VPS50: variants seen among roughly 807,000 people sequenced by gnomAD.
VPS50 encodes the protein VPS50 subunit of EARP/GARPII complex.
A neutral mutation model predicts 139.7 loss-of-function variants in VPS50; 70 were observed. The observed-to-expected ratio is 0.50, with a 90% CI of 0.41 to 0.61. The LOEUF (loss-of-function observed/expected upper bound fraction) is 0.61, where lower values mean the gene tolerates loss of function less well. VPS50 is among the 20% of genes least tolerant of loss of function. VPS50 has a pLI of 0.00. For synonymous variants in VPS50, 365 were observed against 376.7 expected (o/e 0.97, Z 0.36); for missense variants, 921 against 1,133.7 (o/e 0.81, Z 2.69).
At chr7:93,356,265 C>T (rs1020925498) in intron 27 of VPS50, 185 bp downstream of exon 27, 11 of 328,824 alleles carry the variant, frequency 3.3e-5, no homozygotes, top group African/African-American at 6.4e-5. Context: ...TAAGCAGTGC[C>T]CTTTGACTCA....
At chr7:93,353,553 A>G (rs2117091742) in intron 25 of VPS50, 87 bp from the exon 26 acceptor site, 1 of 1,417,216 alleles carries the variant, frequency 7.1e-7, no homozygotes, top group East Asian at 2.3e-5. Context: ...GAGTCTTTCT[A>G]AATCTTTTTT....
chr7:93,264,854 G>A (rs1795793383), intron 9 of VPS50, among the ~76,000 whole-genome samples: 1 of 152,144 alleles, frequency 6.6e-6, no homozygotes, highest in Non-Finnish European at 1.5e-5. Flanking sequence ...AGGTTGCCAG[G>A]CCTTCTAGCT....
intron 24 of VPS50, among the ~76,000 whole-genome samples, chr7:93,349,055 C>T (rs1222568870): frequency 2.0e-5 from 3 of 152,068 alleles, no homozygotes; most frequent in East Asian, 1.9e-4. Flanking sequence ...ATGATAAGTA[C>T]TGTGGTAAGG....
chr7:93,333,191 TTCA>T (rs778743734), intron 21 of VPS50, among the ~76,000 whole-genome samples: 32 of 152,150 alleles, frequency 2.1e-4, no homozygotes, highest in Non-Finnish European at 4.3e-4. Flanking sequence ...ATAAAATTAG[TTCA>T]TGTTTTATTG....
intron 16 of VPS50, among the ~76,000 whole-genome samples, chr7:93,300,210 T>G (rs1208833259): frequency 6.6e-6 from 1 of 152,166 alleles, no homozygotes; most frequent in East Asian, 1.9e-4. Flanking sequence ...ATATTTGGGC[T>G]TCAAAACATT....
At chr7:93,302,824 A>G (rs1189451533) in intron 16 of VPS50, among the ~76,000 whole-genome samples, 1 of 152,060 alleles carries the variant, frequency 6.6e-6, no homozygotes, top group Non-Finnish European at 1.5e-5. Flanking sequence ...GACTGCCTAT[A>G]TCATGTGCTG....
chr7:93,324,769 A>C (rs1797720051), intron 21 of VPS50, among the ~76,000 whole-genome samples: 1 of 152,130 alleles, frequency 6.6e-6, no homozygotes, highest in African/African-American at 2.4e-5. Context: ...GAGAACTACA[A>C]ACCACTGCTC....
Position 93,245,996 on chromosome 7 carries a change from G to T in VPS50, c.102+6062G>T. On this transcript the variant is annotated intron_variant, in intron 2 of 27. Transcript: ENST00000305866. ...AATCTATTTCTGTTCAGTGATTAAT[G>T]ACTTTTGTAATACTGACTGAATATT... is the stretch of plus-strand genomic sequence containing the variant. 3 of 682,018 alleles carry T rather than the reference G, an allele frequency of 4.4e-6. No homozygotes were observed. The South Asian group carries it at 5.0e-5, about 11-fold the overall frequency. 42.2% of individuals were successfully genotyped at this position (682,018 alleles called of 1,614,324 possible).
chr7:93,306,805 AC>A (rs1476472317), intron 18 of VPS50, among the ~76,000 whole-genome samples: 1 of 151,802 alleles, frequency 6.6e-6, no homozygotes, highest in African/African-American at 2.4e-5. Context: ...TAAAGTGAAA[AC>A]CATTCAGATG....
At chr7:93,252,126 A>G (rs1392295799) in intron 2 of VPS50, among the ~76,000 whole-genome samples, 1 of 152,194 alleles carries the variant, frequency 6.6e-6, no homozygotes, top group Non-Finnish European at 1.5e-5. Flanking sequence ...AGGAAGCCTC[A>G]TAGTATTACA....
intron 13 of VPS50, among the ~76,000 whole-genome samples, 186 bp downstream of exon 13, chr7:93,292,021 CT>C (rs1796661483): frequency 1.3e-5 from 2 of 152,022 alleles, no homozygotes; most frequent in South Asian, 4.1e-4. Context: ...TAGAGAGTAA[CT>C]GGGCCAAAGG....
intron 12 of VPS50, among the ~76,000 whole-genome samples, chr7:93,287,204 CT>C (rs1227849235): frequency 2.6e-5 from 4 of 151,792 alleles, no homozygotes; most frequent in Non-Finnish European, 5.9e-5. Context: ...AATTTGGGTC[CT>C]TTTGGGAGAC....
intron 9 of VPS50, 120 bp downstream of exon 9, chr7:93,259,752 C>A: frequency 1.9e-6 from 1 of 534,816 alleles, no homozygotes; most frequent in Non-Finnish European, 3.4e-6. Context: ...GTTTAACATT[C>A]ATATTTATAT....
At chr7:93,253,462 A>G (rs1468085670) in intron 3 of VPS50, among the ~76,000 whole-genome samples, 1 of 152,220 alleles carries the variant, frequency 6.6e-6, no homozygotes, top group African/African-American at 2.4e-5. Context: ...TTTGAGTTCT[A>G]TCATAAACAA....
intron 1 of VPS50, among the ~76,000 whole-genome samples, chr7:93,236,554 C>T (rs908734287): frequency 2.6e-5 from 4 of 152,124 alleles, no homozygotes; most frequent in African/African-American, 9.7e-5. Flanking sequence ...TATGTCTAAA[C>T]TGGGGAATTA....
chr7:93,319,929 T>C (rs1797550849), intron 20 of VPS50, among the ~76,000 whole-genome samples: 1 of 152,058 alleles, frequency 6.6e-6, no homozygotes, highest in Non-Finnish European at 1.5e-5. Context: ...AAGAAGTCTT[T>C]TATATTCTTT....
At chr7:93,315,463 T>C (rs148817881) in intron 20 of VPS50, among the ~76,000 whole-genome samples, 202 of 152,334 alleles carry the variant, frequency 1.3e-3, no homozygotes, top group African/African-American at 4.7e-3. Flanking sequence ...CCAGTTTTGA[T>C]GGACATTCTC....
chr7:93,308,678 G>T, intron 18 of VPS50, 146 bp from the exon 19 acceptor site: 2 of 427,834 alleles, frequency 4.7e-6, no homozygotes, highest in South Asian at 4.4e-5. Flanking sequence ...AGAATAATTA[G>T]ATTCTTGGTG....
At chr7:93,292,070 G>A (rs1404946773) in intron 13 of VPS50, among the ~76,000 whole-genome samples, 2 of 152,070 alleles carry the variant, frequency 1.3e-5, no homozygotes, top group African/African-American at 4.8e-5. Flanking sequence ...TTCCAGAAGT[G>A]TGTGCTGATG....
Sources: allele counts gnomAD v4.1 joint callset (sites outside exome capture counted in the v4.1 genomes callset), GRCh38; gene constraint gnomAD v4.1.1; transcripts MANE v1.5; gene names NCBI Gene and HGNC (gene_info 2026-07-23, HGNC 2026-07-21).